Variants in SCN3A observed in about 807,000 individuals in gnomAD.
SCN3A encodes the protein sodium channel protein type 3 subunit alpha.
A neutral mutation model predicts 187.6 loss-of-function variants in SCN3A; 60 were observed. The ratio of observed to expected loss-of-function variants is 0.32; its 90% CI spans 0.26 to 0.40. The LOEUF is 0.40. Among genes scored for constraint, SCN3A ranks in the 10% least tolerant of loss-of-function variants. The pLI is 1.00. For synonymous variants in SCN3A, 788 were observed against 829.2 expected, an observed-to-expected ratio of 0.95 and a Z score of 0.85; for missense variants, 1,601 against 2,428.2, an observed-to-expected ratio of 0.66 and a Z score of 7.16.
intron 11 of SCN3A, among the ~76,000 whole-genome samples, chr2:165,152,963 G>T (rs1688778146): frequency 7.3e-6 from 1 of 136,446 alleles, no homozygotes; most frequent in Admixed American, 7.5e-5. Flanking sequence ...AACTCATACA[G>T]AACTACAAGG....
chr2:165,176,311 A>T lies in SCN3A; in HGVS notation c.84T>A (p.Arg28=). The T allele has an allele frequency of 1.2e-6, 2 of 1,613,996 alleles. No individual in the cohort carries two copies. ...TRESLAAIEK[R]AAEEKAKKPK... is the part of the protein sequence containing the mutation. ...GCTTCTTGGCTTTCTCTTCTGCAGC[A>T]CGTTTTTCGATAGCAGCAAGAGATT... Residue 28 remains arginine, a synonymous_variant, in exon 3 of 28, where the codon CGT becomes CGA. Coordinates refer to ENST00000283254, the MANE Select transcript of SCN3A (RefSeq NM_006922.4).
Position 165,111,322 on chromosome 2 carries a change from C to T in SCN3A, c.3843+1563G>A, listed in dbSNP as rs142188304. ...TGCACTCCAGCCTAGGCAAGAAGAG[C>T]GAAACTCCGTCTCAAAAATAAAAAA... On this transcript the variant is annotated intron_variant, in intron 21 of 27. Transcript: ENST00000283254. 1.8e-3 allele frequency among the ~76,000 whole-genome samples: 270 copies of T among 152,072 alleles called. 2 individuals are homozygous for T. Among genetic ancestry groups the T allele is most frequent in the African/African-American group, 6.3e-3 (260 of 41,470 alleles).
In SCN3A at chr2:165,127,882, A is replaced by G. The variant is rs148308241; in HGVS notation, c.3142T>C (p.Cys1048Arg). 11 of 1,614,064 alleles carry G rather than the reference A, an allele frequency of 6.8e-6. No individual in the cohort carries two copies. The highest frequency in any genetic ancestry group is 8.5e-6 in the Non-Finnish European group (10 of 1,180,040). Residue 1048 changes from cysteine to arginine, a missense_variant, in exon 18 of 28, where the codon TGC becomes CGC. This residue lies in a region of SCN3A where 267 missense variants were observed against 313.2 expected (regional missense o/e 0.85). Transcript: ENST00000283254. Reference sequence around the variant, plus strand: ...TCAATTCCAGTATTATTGGACATGCAGCTGTCTATCTTATTGCCTTCATGG... The same window carrying G: ...TCAATTCCAGTATTATTGGACATGCGGCTGTCTATCTTATTGCCTTCATGG... ...EIHEGNKIDS[C>R]MSNNTGIEIS...
intron 1 of SCN3A, among the ~76,000 whole-genome samples, chr2:165,187,352 C>A (rs1224075428): frequency 6.6e-6 from 1 of 152,148 alleles, no homozygotes; most frequent in Non-Finnish European, 1.5e-5. Context: ...ATACTTCTTT[C>A]CGCTATAACC....
At chr2:165,109,100 C>G (rs1385220095) in intron 21 of SCN3A, among the ~76,000 whole-genome samples, 2 of 152,104 alleles carry the variant, frequency 1.3e-5, no homozygotes, top group Non-Finnish European at 2.9e-5. Flanking sequence ...TGGAAAAACC[C>G]AACTATCTTC....
chr2:165,114,508 C>T (rs368748950), intron 19 of SCN3A, among the ~76,000 whole-genome samples: 3 of 152,282 alleles, frequency 2.0e-5, no homozygotes, highest in East Asian at 3.9e-4. Context: ...CTTTGTCCTC[C>T]CCCTCCTAGC....
intron 18 of SCN3A, among the ~76,000 whole-genome samples, chr2:165,121,037 C>T (rs1429812343): frequency 1.3e-5 from 2 of 150,102 alleles, no homozygotes; most frequent in Non-Finnish European, 3.0e-5. Context: ...AGAAAGGATA[C>T]AAAAGTATTC....
chr2:165,174,526 CTTT>C (rs1315768871), intron 3 of SCN3A, among the ~76,000 whole-genome samples: 1 of 152,190 alleles, frequency 6.6e-6, no homozygotes, highest in East Asian at 1.9e-4. Context: ...TGTTGTTCTC[CTTT>C]TGTTTCCCCC....
intron 21 of SCN3A, among the ~76,000 whole-genome samples, chr2:165,107,929 AC>A (rs906790356): frequency 5.9e-5 from 9 of 152,242 alleles, no homozygotes; most frequent in African/African-American, 2.2e-4. Context: ...TTAGAGCCAG[AC>A]AACTTGGGTA....
intron 1 of SCN3A, among the ~76,000 whole-genome samples, chr2:165,201,097 A>T (rs148720923): frequency 0.015 from 2,306 of 152,192 alleles, 28 homozygotes; most frequent in Non-Finnish European, 0.022. Context: ...TCTAACAGGT[A>T]TATCCTCTTA....
chr2:165,123,788 T>A (rs970203507), intron 18 of SCN3A, among the ~76,000 whole-genome samples: 18 of 152,180 alleles, frequency 1.2e-4, no homozygotes, highest in African/African-American at 4.1e-4. Context: ...AAATCAAAAA[T>A]GCACTTTGCT....
At position 165,090,985 on chromosome 2, in the gene SCN3A, GGT is replaced by G. The variant is rs755960546; in HGVS notation, c.5166_5167del (p.Pro1723ThrfsTer4). On this transcript the variant is annotated frameshift_variant, in exon 28 of 28. Transcript: ENST00000283254. LOFTEE classifies it high-confidence loss of function. This position sits in a 1 kb window ranked among gnomAD's most constrained non-coding sequence, Gnocchi z 4.0. ...AATTGTGTCAGGGTCACAGTCGGGT[GGT>G]GCACTATTAAGAATAGGTGCTAGCA... 6.2e-7 allele frequency: 1 copy of G among 1,613,988 alleles called. No individual in the cohort carries two copies. Among genetic ancestry groups the G allele is most frequent in the African/African-American group, 1.3e-5 (1 of 74,890 alleles).
rs577023671 is a variant in SCN3A, at chr2:165,198,641, G to C, written c.-248+5182C>G. ...GAGAAGGCGTTTTCCATTTTAAAAA[G>C]GGCATGCATTCACTTTCTAGTTCCT... On this transcript the variant is annotated intron_variant, in intron 1 of 27. Coordinates refer to ENST00000283254, the MANE Select transcript of SCN3A (RefSeq NM_006922.4). 1.1e-4 allele frequency among the ~76,000 whole-genome samples: 17 copies of C among 152,036 alleles called. No homozygotes were observed. In the Middle Eastern group the frequency reaches 0.01, roughly 91 times the overall value.
intron 16 of SCN3A, among the ~76,000 whole-genome samples, chr2:165,130,685 C>A (rs988609841): frequency 6.7e-6 from 1 of 149,720 alleles, no homozygotes; most frequent in South Asian, 2.2e-4. Context: ...TTTTATAGGC[C>A]AATATAAAAG....
chr2:165,172,725 C>T (rs1040838595), intron 3 of SCN3A, among the ~76,000 whole-genome samples: 1 of 152,158 alleles, frequency 6.6e-6, no homozygotes, highest in African/African-American at 2.4e-5. Context: ...GAACCCTTTG[C>T]TCCTCCTGCA....
rs78008317 is a variant in SCN3A at position 165,147,294 on chromosome 2, G to C, written c.1381-265C>G. On this transcript the variant is annotated intron_variant, in intron 11 of 27. Transcript: ENST00000283254. ...GATTGTCTTTTTTTTGGGGGGGGGG[G>C]GTTGGTGACAACTGTTCTCTTCAAA... Among the ~76,000 whole-genome samples, 410 of 131,362 alleles carry C rather than the reference G, an allele frequency of 3.1e-3. 1 individual carries two copies. The highest frequency in any genetic ancestry group is 3.2e-3 in the East Asian group (15 of 4,636). The allele number at this position is 131,362 out of a possible 152,430, so 86.2% of individuals were successfully genotyped here.
chr2:165,158,083 G>A (rs1196839698), intron 9 of SCN3A, among the ~76,000 whole-genome samples: 1 of 152,154 alleles, frequency 6.6e-6, no homozygotes. Context: ...TGCTAGCTGT[G>A]TTTGTTGCTA....
At chr2:165,186,769 G>A (rs1691268523) in intron 1 of SCN3A, 22 bp from the exon 2 acceptor site, 2 of 152,128 alleles carry the variant, frequency 1.3e-5, no homozygotes, top group Non-Finnish European at 2.9e-5. Flanking sequence ...GAATACAGGT[G>A]AAATTAGCCT....
In SCN3A at chr2:165,154,497, A is replaced by G; in HGVS notation, c.1335T>C (p.Phe445=). Residue 445 remains phenylalanine, a synonymous_variant, in exon 11 of 28, where the codon TTT becomes TTC. Transcript: ENST00000283254. ...TTTTAAGCTGTTCGAGCATCTGCTG[A>G]AATTCGGCCTCTTTTTGTTCTGCTT... The part of the protein sequence containing the change: ...LEEAEQKEAE[F]QQMLEQLKKQ... 4 of 1,614,152 alleles carry G rather than the reference A, an allele frequency of 2.5e-6. No individual in the cohort carries two copies. The highest frequency in any genetic ancestry group is 3.4e-6 in the Non-Finnish European group (4 of 1,180,014).
Sources: gnomAD v4.1 joint callset for allele counts (sites outside exome capture counted in the v4.1 genomes callset) on GRCh38, gnomAD v4.1.1 for gene constraint, gnomAD v4.1.1 regional missense constraint, Gnocchi (gnomAD v3.1) non-coding constraint, MANE v1.5 for transcripts, NCBI Gene and HGNC (gene_info 2026-07-23, HGNC 2026-07-21) for gene names.